The following SESN2 variants were observed in gnomAD, a reference collection of about 807,000 sequenced individuals.
SESN2 encodes the protein sestrin-2.
A neutral mutation model predicts 56.0 loss-of-function variants in SESN2; 42 were observed. The ratio of observed to expected loss-of-function variants is 0.75; its 90% CI spans 0.59 to 0.97. SESN2 has a LOEUF of 0.97. Ranked by LOEUF, SESN2 falls within the 50% of genes least tolerant of loss-of-function variation. The pLI is 0.00. For synonymous variants in SESN2, 264 were observed against 267.1 expected, an observed-to-expected ratio of 0.99 and a Z score of 0.11; for missense variants, 507 against 649.4, an observed-to-expected ratio of 0.78 and a Z score of 2.38.
intron 1 of SESN2, among the ~76,000 whole-genome samples, chr1:28,268,755 G>A (rs1647646957): frequency 1.3e-5 from 2 of 151,976 alleles, no homozygotes; most frequent in South Asian, 4.1e-4. Context: ...AGGAAGGAAC[G>A]AACGAACATG....
chr1:28,274,219 A>G (rs1647939479), intron 7 of SESN2, 61 bp downstream of exon 7: 2 of 1,099,790 alleles, frequency 1.8e-6, no homozygotes, highest in Admixed American at 1.7e-5. Context: ...CAGTGGGTGG[A>G]TAGTTTGAGT....
At chr1:28,272,519 G>C in intron 4 of SESN2, 53 bp downstream of exon 4, 1 of 1,609,024 alleles carries the variant, frequency 6.2e-7, no homozygotes, top group Non-Finnish European at 8.5e-7. Flanking sequence ...CCTGGCTGGT[G>C]CCTGGTGGGT....
intron 6 of SESN2, 70 bp from the exon 7 acceptor site, chr1:28,273,970 T>G: frequency 9.8e-7 from 1 of 1,020,530 alleles, no homozygotes. Context: ...CCCCTTTTGG[T>G]GATTAATCAG....
In SESN2 at chr1:28,269,505, AC is replaced by A. The variant is rs557056226; in HGVS notation, c.156+258del. ...AACTTTTTTTTTTTTTCATGCTCAAACTTTTGATTCCTAGATCAGTGCCTGC... is the reference window on the plus strand; with the variant it reads ...AACTTTTTTTTTTTTTCATGCTCAAATTTTGATTCCTAGATCAGTGCCTGC... On this transcript the variant is annotated intron_variant, in intron 2 of 9. Transcript: ENST00000253063. Among the ~76,000 whole-genome samples the A allele has an allele frequency of 1.1e-4, 16 of 152,044 alleles. No homozygotes were observed. In the East Asian group the frequency reaches 3.1e-3, roughly 29 times the overall value.
In SESN2 at chr1:28,272,598, C is replaced by A. The variant is rs752365766; in HGVS notation, c.555C>A (p.Gly185=). 6.2e-6 allele frequency: 10 copies of A among 1,613,908 alleles called. No homozygotes were observed. Among genetic ancestry groups the A allele is most frequent in the Non-Finnish European group, 7.6e-6 (9 of 1,179,994 alleles). The change falls in exon 5 of 10, where the codon GGC becomes GGA. Residue 185 remains glycine, a synonymous_variant. Transcript: ENST00000253063. The part of the protein sequence containing the change: ...KEHIQALLKT[G]EHTWSLAELI... ...CCTTCCAGGCCTTGCTGAAGACCGG[C>A]GAGCACACTTGGTCCCTGGCCGAGC...
rs188596590 is a variant in SESN2 at position 28,268,668 on chromosome 1, A to C, written c.91-515A>C. Among the ~76,000 whole-genome samples, 30 of 151,960 alleles carry C rather than the reference A, an allele frequency of 2.0e-4. No homozygotes were observed. In the East Asian group the frequency reaches 5.8e-3, roughly 29 times the overall value. On this transcript the variant is annotated intron_variant, in intron 1 of 9. Transcript: ENST00000253063. ...CAACAAGAGCGATACTCCGTCTCAA[A>C]AAAAAAAAGAAGCAAAAGAAGGAAG...
intron 8 of SESN2, among the ~76,000 whole-genome samples, chr1:28,278,006 T>A (rs1473762858): frequency 6.6e-6 from 1 of 152,196 alleles, no homozygotes; most frequent in East Asian, 1.9e-4. Context: ...CATTCCTCTG[T>A]CTACACTGAT....
intron 4 of SESN2, 42 bp downstream of exon 4, chr1:28,272,508 G>A (rs1407826791): frequency 6.2e-7 from 1 of 1,609,150 alleles, no homozygotes. Flanking sequence ...GAGCACAGAG[G>A]CCTGGCTGGT....
At chr1:28,273,540 G>C (rs2149039180) in intron 6 of SESN2, 32 bp downstream of exon 6, 1 of 1,529,876 alleles carries the variant, frequency 6.5e-7, no homozygotes. Context: ...GGCTCCCGTG[G>C]CTGCTCCTTC....
intron 8 of SESN2, 75 bp from the exon 9 acceptor site, chr1:28,279,022 T>C: frequency 4.9e-6 from 7 of 1,440,664 alleles, no homozygotes; most frequent in Non-Finnish European, 6.8e-6. Flanking sequence ...CTTCCCTCTG[T>C]AGGGTGGGGT....
chr1:28,280,471 G>A (rs1648193596), intron 9 of SESN2, among the ~76,000 whole-genome samples: 1 of 152,252 alleles, frequency 6.6e-6, no homozygotes, highest in African/African-American at 2.4e-5. Context: ...CTCCCAAAGT[G>A]TTGGGATTAC....
chr1:28,271,935 C>T, intron 3 of SESN2, 64 bp downstream of exon 3: 4 of 1,475,518 alleles, frequency 2.7e-6, no homozygotes, highest in Non-Finnish European at 3.8e-6. Flanking sequence ...CCTTTGATCT[C>T]TTTTCTGGGA....
Position 28,273,368 on chromosome 1 carries a change from C to T in SESN2, c.761C>T (p.Ser254Phe). ...GGGCCTCTCCTGCAGGGCTTTGAGT[C>T]TGCCCGCGACGTGGAGGCGCTGATG... ...DPLNNSGGFE[S>F]ARDVEALMER... The change falls in exon 6 of 10, where the codon TCT (serine) becomes TTT (phenylalanine). Residue 254 changes from serine (S) to phenylalanine (F), a missense_variant. By Grantham distance (155) the Ser-to-Phe change is radical. Transcript: ENST00000253063. 1 of 1,594,982 alleles carries T rather than the reference C, an allele frequency of 6.3e-7. No individual in the cohort carries two copies. The highest frequency in any genetic ancestry group is 8.5e-7 in the Non-Finnish European group (1 of 1,170,510).
chr1:28,273,065 T>C (rs1450542128), intron 5 of SESN2, among the ~76,000 whole-genome samples: 1 of 152,238 alleles, frequency 6.6e-6, no homozygotes, highest in Non-Finnish European at 1.5e-5. Flanking sequence ...GTTTTAGCAC[T>C]TTAAAACTAC....
chr1:28,280,045 C>T (rs1406579841), intron 9 of SESN2, among the ~76,000 whole-genome samples: 1 of 151,696 alleles, frequency 6.6e-6, no homozygotes, highest in Non-Finnish European at 1.5e-5. Context: ...ACTGTGTTGT[C>T]CATCCTGGTC....
At position 28,280,752 on chromosome 1, in the gene SESN2, CAA is replaced by C. The variant is rs1648211124; in HGVS notation, c.1394_1395del (p.Gln465ArgfsTer198). 6.2e-7 allele frequency: 1 copy of C among 1,613,282 alleles called. No individual in the cohort carries two copies. The highest frequency in any genetic ancestry group is 8.5e-7 in the Non-Finnish European group (1 of 1,179,998). ...VNLLLLEARM[Q>X]AALLYALRAI... ...CTTGCTGCTCCTGGAGGCGCGCATG[CAA>C]GCCGCTCTGCTGTACGCCCTCCGTG... On this transcript the variant is annotated frameshift_variant, in exon 10 of 10. Transcript: ENST00000253063. LOFTEE classifies it high-confidence loss of function.
chr1:28,272,864 T>C (rs1311269189), intron 5 of SESN2, 71 bp downstream of exon 5: 1 of 815,556 alleles, frequency 1.2e-6, no homozygotes, highest in African/African-American at 1.7e-5. Context: ...TAGAAGCTAC[T>C]GCTTCCCAAT....
chr1:28,277,806 CT>C (rs548868312), intron 8 of SESN2, among the ~76,000 whole-genome samples: 39 of 152,314 alleles, frequency 2.6e-4, no homozygotes, highest in African/African-American at 7.5e-4. Flanking sequence ...TTGAGCTATA[CT>C]TAATGAACCA....
rs555608598 is a variant in SESN2, at chr1:28,280,428, G to A, written c.1357-288G>A. The stretch of plus-strand genomic sequence containing the variant: ...TCACTATGTTGGCCAGGCTGGTCTC[G>A]AACTCCTGACCTCCTGATCCACTCG... On this transcript the variant is annotated intron_variant, in intron 9 of 9. Transcript: ENST00000253063. Among the ~76,000 whole-genome samples the A allele has an allele frequency of 3.3e-5, 5 of 152,260 alleles. No individual in the cohort carries two copies. In the East Asian group the frequency reaches 7.7e-4, roughly 24 times the overall value.
Sources: gnomAD v4.1 joint callset for allele counts (sites outside exome capture counted in the v4.1 genomes callset) on GRCh38, gnomAD v4.1.1 for gene constraint, MANE v1.5 for transcripts, NCBI Gene and HGNC (gene_info 2026-07-23, HGNC 2026-07-21) for gene names.